IQCK: variants seen among roughly 807,000 people sequenced by gnomAD.
IQCK encodes the protein IQ domain-containing protein K.
A neutral mutation model predicts 28.1 loss-of-function variants in IQCK; 29 were observed. That is an observed-to-expected ratio of 1.03 (90% CI 0.77 to 1.41). The LOEUF is 1.41. IQCK is among the 40% of genes most tolerant of loss of function. The pLI is 0.00. For synonymous variants in IQCK, 113 were observed against 115.1 expected (o/e 0.98, Z 0.12); for missense variants, 359 against 314.7 (o/e 1.14, Z -1.07).
At chr16:19,828,282 G>A (rs1458637120), downstream of IQCK, among the ~76,000 whole-genome samples, 1 of 132,378 alleles carries the variant, frequency 7.6e-6, no homozygotes, top group Non-Finnish European at 1.5e-5. Context: ...CGCTTAGGCT[G>A]GAGTGCAGTG....
intron 1 of IQCK, among the ~76,000 whole-genome samples, chr16:19,720,023 G>C (rs1401165547): frequency 6.6e-6 from 1 of 152,054 alleles, no homozygotes; most frequent in African/African-American, 2.4e-5. Context: ...AGTGGCTGCT[G>C]TATTGGATAG....
At chr16:19,763,600 G>A (rs2055182808) in intron 4 of IQCK, among the ~76,000 whole-genome samples, 1 of 152,056 alleles carries the variant, frequency 6.6e-6, no homozygotes, top group Non-Finnish European at 1.5e-5. Flanking sequence ...CCACCACCAC[G>A]CCTGGCTAAT....
rs555599981 is a variant in IQCK, at chr16:19,853,075, G to A, written c.803-3412G>A. On this transcript the variant is annotated intron_variant, in intron 9 of 9. Coordinates refer to the IQCK transcript ENST00000320394. ...GGTTGTGTCCAGGTTTTGCTATCAC[G>A]AGCATCCTCCCAGTACACGTATGGA... 9.2e-5 allele frequency among the ~76,000 whole-genome samples: 14 copies of A among 152,194 alleles called. No homozygotes were observed. The South Asian group carries it at 2.7e-3, about 29-fold the overall frequency.
chr16:19,751,405 G>T (rs1329584156), intron 4 of IQCK, among the ~76,000 whole-genome samples: 1 of 152,116 alleles, frequency 6.6e-6, no homozygotes, highest in Non-Finnish European at 1.5e-5. Flanking sequence ...TTGAGCCCAA[G>T]AGTTTGAGGC....
intron 6 of IQCK, among the ~76,000 whole-genome samples, chr16:19,780,348 T>G (rs1455625088): frequency 6.6e-6 from 1 of 151,890 alleles, no homozygotes; most frequent in Non-Finnish European, 1.5e-5. Context: ...AGCCAAAAAT[T>G]TATTATGTTT....
At chr16:19,817,593 T>C (rs7197688) in intron 7 of IQCK, among the ~76,000 whole-genome samples, 8,274 of 152,220 alleles carry the variant, frequency 0.054, 698 homozygotes, top group African/African-American at 0.18. Flanking sequence ...GCTTCCAGAA[T>C]GATGAGGAAA....
At chr16:19,737,960 GAAGT>G (rs1348174800) in intron 4 of IQCK, among the ~76,000 whole-genome samples, 4 of 152,138 alleles carry the variant, frequency 2.6e-5, no homozygotes, top group Non-Finnish European at 5.9e-5. Flanking sequence ...GCTCAAACTA[GAAGT>G]AATTGATCCC....
intron 9 of IQCK, among the ~76,000 whole-genome samples, chr16:19,832,635 A>G (rs544235383): frequency 6.6e-6 from 1 of 152,346 alleles, no homozygotes; most frequent in South Asian, 2.1e-4. Context: ...CAAGGTGTGC[A>G]ACATGATGAT....
chr16:19,772,933 G>T (rs980369974), intron 6 of IQCK, among the ~76,000 whole-genome samples: 1 of 152,108 alleles, frequency 6.6e-6, no homozygotes, highest in South Asian at 2.1e-4. Context: ...AGCCCCAGAG[G>T]TTTAGGCTGC....
rs551562393 is a variant in IQCK at position 19,731,290 on chromosome 16, C to T, written c.246+796C>T. ...ACCTTGGAATTAGATAGGAGCTTAA[C>T]GGAGTTTAAAATTTTTAAAAAGCAA... On this transcript the variant is annotated intron_variant, in intron 2 of 7. Coordinates refer to ENST00000564186, the Ensembl canonical transcript of IQCK. 2.6e-5 allele frequency among the ~76,000 whole-genome samples: 4 copies of T among 152,220 alleles called. No individual in the cohort carries two copies. The East Asian group carries it at 5.8e-4, about 22-fold the overall frequency.
At chr16:19,811,997 T>C (rs1368959560) in intron 7 of IQCK, among the ~76,000 whole-genome samples, 1 of 150,990 alleles carries the variant, frequency 6.6e-6, no homozygotes, top group Admixed American at 6.6e-5. Flanking sequence ...TTTTTTTTTT[T>C]TTTTTTTTGA....
At chr16:19,812,824 A>G (rs1057000899) in intron 7 of IQCK, among the ~76,000 whole-genome samples, 9 of 152,312 alleles carry the variant, frequency 5.9e-5, no homozygotes, top group South Asian at 4.1e-4. Context: ...GAAAAAGGCA[A>G]TTCATTGCAG....
chr16:19,754,156 C>T (rs2151701445), intron 4 of IQCK, among the ~76,000 whole-genome samples: 1 of 152,208 alleles, frequency 6.6e-6, no homozygotes, highest in East Asian at 1.9e-4. Flanking sequence ...CACTTACTAC[C>T]CAGGTCAGGA....
intron 4 of IQCK, among the ~76,000 whole-genome samples, chr16:19,755,597 A>T (rs2055041331): frequency 6.6e-6 from 1 of 152,194 alleles, no homozygotes; most frequent in Non-Finnish European, 1.5e-5. Context: ...GCTCCACATA[A>T]CTAGAACCGG....
intron 7 of IQCK, among the ~76,000 whole-genome samples, chr16:19,824,289 C>T (rs1217512679): frequency 1.3e-5 from 2 of 152,196 alleles, no homozygotes; most frequent in African/African-American, 4.8e-5. Context: ...CAGCCTAGAT[C>T]CCTCACATGT....
At chr16:19,738,416 C>T (rs2054786359) in intron 4 of IQCK, among the ~76,000 whole-genome samples, 1 of 152,160 alleles carries the variant, frequency 6.6e-6, no homozygotes, top group Non-Finnish European at 1.5e-5. Flanking sequence ...TGACCCCCCC[C>T]ACCTCATATA....
At chr16:19,858,359 GGC>G in exon 10 of IQCK, 1 of 446,746 alleles carries the variant, frequency 2.2e-6, no homozygotes, top group Non-Finnish European at 4.0e-6. Context: ...GGCTTCCCAT[GGC>G]TCAAAGATGG....
chr16:19,809,439 G>T (rs996566606), intron 7 of IQCK, among the ~76,000 whole-genome samples: 1 of 152,184 alleles, frequency 6.6e-6, no homozygotes, highest in Non-Finnish European at 1.5e-5. Context: ...CTGGCTGCTG[G>T]CTGGGGCACC....
downstream of IQCK, chr16:19,827,284 G>T: frequency 1.6e-6 from 1 of 622,176 alleles, no homozygotes; most frequent in Non-Finnish European, 2.9e-6. Context: ...TGCATATTAA[G>T]ATTCTGCTAT....
Sources: allele counts gnomAD v4.1 joint callset (sites outside exome capture counted in the v4.1 genomes callset), GRCh38; gene constraint gnomAD v4.1.1; transcripts MANE v1.5; gene names NCBI Gene and HGNC (gene_info 2026-07-23, HGNC 2026-07-21).